The following STAT5A variants were observed in gnomAD, a reference collection of about 807,000 sequenced individuals.
STAT5A encodes the protein epididymis secretory sperm binding protein.
Under a neutral mutation model 100.2 loss-of-function variants are expected in STAT5A, and 26 were observed. The ratio of observed to expected loss-of-function variants is 0.26; its 90% CI spans 0.19 to 0.36. The LOEUF (loss-of-function observed/expected upper bound fraction) is 0.36, where lower values mean the gene tolerates loss of function less well. STAT5A is among the 10% of genes least tolerant of loss of function. STAT5A has a pLI of 1.00. For synonymous variants in STAT5A, 330 were observed against 424.3 expected, an observed-to-expected ratio of 0.78 and a Z score of 2.73; for missense variants, 634 against 1,027.5, an observed-to-expected ratio of 0.62 and a Z score of 5.24.
Position 42,306,209 on chromosome 17 carries a change from C to G in STAT5A, c.1474-32C>G, listed in dbSNP as rs375196144. 35 of 1,614,006 alleles carry G rather than the reference C, an allele frequency of 2.2e-5. 1 individual carries two copies. In the South Asian group the frequency reaches 3.6e-4, roughly 17 times the overall value. ...TGTGAATATTTCCAACTCCCTCAAT[C>G]TACCTTTTCCCCTCTCTTGTCTCCC... On this transcript the variant is annotated intron_variant, in intron 12 of 18. Coordinates refer to ENST00000590949, the MANE Select transcript of STAT5A (RefSeq NM_001288718.2).
At position 42,302,421 on chromosome 17, in the gene STAT5A, A is replaced by G. The variant is rs189485226; in HGVS notation, c.1169+967A>G. The stretch of plus-strand genomic sequence containing the variant: ...TTAGGCTCCTGGTGGAATTGGAGGT[A>G]GCTAGTGATAGGGAGGGAAGTAGCA... On this transcript the variant is annotated intron_variant, in intron 9 of 18. Coordinates refer to ENST00000590949, the MANE Select transcript of STAT5A (RefSeq NM_001288718.2). 2.0e-3 allele frequency among the ~76,000 whole-genome samples: 310 copies of G among 152,194 alleles called. 2 individuals carry two copies. The highest frequency in any genetic ancestry group is 7.2e-3 in the African/African-American group (300 of 41,502).
At chr17:42,302,060 G>C (rs1186859667) in intron 9 of STAT5A, among the ~76,000 whole-genome samples, 2 of 152,218 alleles carry the variant, frequency 1.3e-5, no homozygotes, top group African/African-American at 2.4e-5. Context: ...CAGCTACTCG[G>C]GAAGCTGAGG....
At chr17:42,303,763 C>T (rs569443468) in intron 9 of STAT5A, among the ~76,000 whole-genome samples, 6 of 151,858 alleles carry the variant, frequency 4.0e-5, no homozygotes, top group African/African-American at 2.4e-5. Context: ...GTGTTTAAGG[C>T]GGGGGTGAGG....
In STAT5A at chr17:42,307,626, C is replaced by T; in HGVS notation, c.1809C>T (p.Ala603=). ...AILGFVNKQQ[A]HDLLINKPDG... ...TAGGTTTTGTGAATAAGCAACAGGC[C>T]CACGACCTGCTCATCAACAAGCCCG... Residue 603 remains alanine (A), a synonymous_variant, in exon 15 of 19, where the codon GCC becomes GCT. Transcript: ENST00000590949. 6.2e-7 allele frequency: 1 copy of T among 1,614,030 alleles called. No individual in the cohort carries two copies.
At chr17:42,296,421 A>C (rs2080918502) in intron 5 of STAT5A, among the ~76,000 whole-genome samples, 1 of 152,178 alleles carries the variant, frequency 6.6e-6, no homozygotes, top group Non-Finnish European at 1.5e-5. Flanking sequence ...AAATCAAATT[A>C]GCTTGAAAGG....
In STAT5A at chr17:42,303,237, ACT is replaced by A. The variant is rs1222259302; in HGVS notation, c.1170-1102_1170-1101del. ...CTCCAGCCTGGGCAACAAAAGCAAG[ACT>A]CTGTTTCAAAAAAAAAAGTTTACTG... is the stretch of plus-strand genomic sequence containing the variant. On this transcript the variant is annotated intron_variant, in intron 9 of 18. Coordinates refer to ENST00000590949, the MANE Select transcript of STAT5A (RefSeq NM_001288718.2). 2.0e-5 allele frequency among the ~76,000 whole-genome samples: 3 copies of A among 149,496 alleles called. No individual in the cohort carries two copies. The South Asian group carries it at 6.4e-4, about 32-fold the overall frequency.
intron 5 of STAT5A, among the ~76,000 whole-genome samples, chr17:42,298,020 G>A (rs1312554928): frequency 6.6e-6 from 1 of 151,538 alleles, no homozygotes; most frequent in Non-Finnish European, 1.5e-5. Flanking sequence ...GTCCCAGTGT[G>A]GTGGAGACGG....
Position 42,299,865 on chromosome 17 carries a change from T to G in STAT5A, c.665T>G (p.Leu222Arg). ...EAWLQREAQT[L>R]QQYRVELAEK... ...TGGTTGCAGCGTGAGGCACAGACAC[T>G]GCAGCAGTACCGCGTGGTGAGTGGG... The change falls in exon 6 of 19, where the codon CTG (leucine) becomes CGG (arginine). Residue 222 changes from leucine to arginine, a missense_variant. Coordinates refer to ENST00000590949, the MANE Select transcript of STAT5A (RefSeq NM_001288718.2). 6.2e-7 allele frequency: 1 copy of G among 1,610,152 alleles called. No homozygotes were observed. Among genetic ancestry groups the G allele is most frequent in the East Asian group, 2.2e-5 (1 of 44,776 alleles).
intron 17 of STAT5A, 125 bp from the exon 18 acceptor site, chr17:42,309,252 A>AG: frequency 6.5e-7 from 1 of 1,539,666 alleles, no homozygotes; most frequent in Non-Finnish European, 9.0e-7. Context: ...CTGGAGCCCC[A>AG]GGGCCGAGTG....
intron 3 of STAT5A, among the ~76,000 whole-genome samples, chr17:42,291,736 A>G (rs541213825): frequency 2.0e-5 from 3 of 152,142 alleles, no homozygotes; most frequent in East Asian, 1.9e-4. Flanking sequence ...AAAAAAAAAA[A>G]AGAGAAAGTG....
In STAT5A at chr17:42,307,733, C is replaced by T. The variant is rs777196031; in HGVS notation, c.1906+10C>T. The stretch of plus-strand genomic sequence containing the variant: ...TGGAAGTTTGACTCCCGTGAGTGCC[C>T]GTTTTGCCCACACTCCAGCCCCAAG... On this transcript the variant is annotated intron_variant, in intron 15 of 18. Coordinates refer to ENST00000590949, the MANE Select transcript of STAT5A (RefSeq NM_001288718.2). The T allele has an allele frequency of 2.5e-5, 40 of 1,612,690 alleles. No homozygotes were observed. The highest frequency in any genetic ancestry group is 1.6e-4 in the Middle Eastern group (1 of 6,074).
chr17:42,289,641 C>G, intron 2 of STAT5A, 102 bp downstream of exon 2: 1 of 1,502,560 alleles, frequency 6.7e-7, no homozygotes. Context: ...CTGGTCCTGC[C>G]TGTCCTTCTT....
rs562826364 is a variant in STAT5A, at chr17:42,311,520, G to A, written c.*851G>A. 1.3e-5 allele frequency: 2 copies of A among 152,558 alleles called. No individual in the cohort carries two copies. The highest frequency in any genetic ancestry group is 2.9e-5 in the Non-Finnish European group (2 of 68,098). 9.5% of individuals were successfully genotyped at this position (152,558 alleles called of 1,614,324 possible). A position where few individuals can be genotyped will look rare whatever the true frequency, so the allele number is the denominator to read the frequency against. ...TAGAAAAGATTGGGTCTAGGATATG[G>A]TGGGTGGACAGGGGCCCCGGGACTT... On this transcript the variant is annotated 3_prime_UTR_variant, in exon 19 of 19. Transcript: ENST00000590949.
intron 15 of STAT5A, among the ~76,000 whole-genome samples, 192 bp downstream of exon 15, chr17:42,307,915 C>T (rs2081045231): frequency 6.6e-6 from 1 of 152,196 alleles, no homozygotes; most frequent in Non-Finnish European, 1.5e-5. Flanking sequence ...AGTCCCCAGC[C>T]CCATAGACTC....
intron 12 of STAT5A, 35 bp downstream of exon 12, chr17:42,305,737 C>T: frequency 6.2e-7 from 1 of 1,608,474 alleles, no homozygotes; most frequent in Non-Finnish European, 8.5e-7. Flanking sequence ...CCAGCACCCC[C>T]AGGCCCTAGG....
chr17:42,310,907 T>C lies in STAT5A; in HGVS notation c.*238T>C. 1.6e-6 allele frequency: 1 copy of C among 636,010 alleles called. No homozygotes were observed. Among genetic ancestry groups the C allele is most frequent in the South Asian group, 2.0e-5 (1 of 50,220 alleles). The allele number at this position is 636,010 out of a possible 1,614,324, so 39.4% of individuals were successfully genotyped here. A position where few individuals can be genotyped will look rare whatever the true frequency, so the allele number is the denominator to read the frequency against. ...GGCATCCAAGAGTGCGCCGAGTCTG[T>C]CTCTGTCATGGTAGAGACCGAGCCT... On this transcript the variant is annotated 3_prime_UTR_variant, in exon 19 of 19. Coordinates refer to ENST00000590949, the MANE Select transcript of STAT5A (RefSeq NM_001288718.2).
At position 42,310,773 on chromosome 17, in the gene STAT5A, T is replaced by A; in HGVS notation, c.*104T>A. 6.6e-7 allele frequency: 1 copy of A among 1,518,934 alleles called. No homozygotes were observed. The highest frequency in any genetic ancestry group is 8.8e-7 in the Non-Finnish European group (1 of 1,132,922). 94.1% of individuals were successfully genotyped at this position (1,518,934 alleles called of 1,614,324 possible). A position where few individuals can be genotyped will look rare whatever the true frequency, so the allele number is the denominator to read the frequency against. On this transcript the variant is annotated 3_prime_UTR_variant, in exon 19 of 19. Transcript: ENST00000590949. ...ACACTGACACCTTTGCAGGCATGCA[T>A]GTGCTTGTGTGTGTGTGTGTGTGTG... is the stretch of plus-strand genomic sequence containing the variant.
At chr17:42,290,998 A>G (rs1329343615) in intron 3 of STAT5A, among the ~76,000 whole-genome samples, 1 of 152,166 alleles carries the variant, frequency 6.6e-6, no homozygotes, top group Admixed American at 6.5e-5. Flanking sequence ...TATTGTTATT[A>G]CATTGTGCTA....
chr17:42,301,526 A>G lies in STAT5A; in HGVS notation c.1169+72A>G. On this transcript the variant is annotated intron_variant, in intron 9 of 18. Coordinates refer to ENST00000590949, the MANE Select transcript of STAT5A (RefSeq NM_001288718.2). ...CCTGCACCCCCCGCTTTGTCCTTGC[A>G]TCCAGCTATGTCTTGTCCCCTAGTT... 2.5e-6 allele frequency: 4 copies of G among 1,581,466 alleles called. No homozygotes were observed. The East Asian group carries it at 9.3e-5, about 37-fold the overall frequency.
Sources: allele counts gnomAD v4.1 joint callset (sites outside exome capture counted in the v4.1 genomes callset), GRCh38; gene constraint gnomAD v4.1.1; transcripts MANE v1.5; gene names NCBI Gene and HGNC (gene_info 2026-07-23, HGNC 2026-07-21).